Variants in ZNF816 observed in about 807,000 individuals in gnomAD.
ZNF816 encodes the protein zinc finger protein 816.
ZNF816 carries 11 observed loss-of-function variants against 8.3 expected under a neutral mutation model. The observed-to-expected ratio is 1.32, with a 90% confidence interval of 0.83 to 2.19. The LOEUF (loss-of-function observed/expected upper bound fraction) is 2.19. Ranked by LOEUF, ZNF816 falls within the 30% of genes most tolerant of loss-of-function variation. The probability of loss-of-function intolerance (pLI) is 0.00; values close to 1 mark genes in which losing one functional copy is unlikely to be tolerated. For synonymous variants in ZNF816, 255 were observed against 254.5 expected, an observed-to-expected ratio of 1.00 and a Z score of -0.02; for missense variants, 710 against 779.3, an observed-to-expected ratio of 0.91 and a Z score of 1.06.
chr19:52,952,255 G>C (rs983451776), intron 3 of ZNF816, among the ~76,000 whole-genome samples: 3 of 151,978 alleles, frequency 2.0e-5, no homozygotes, highest in African/African-American at 7.3e-5. Context: ...TGTAATTCCA[G>C]TTAGGTTGAG....
chr19:52,955,622 C>G (rs1264575181), intron 2 of ZNF816, among the ~76,000 whole-genome samples: 1 of 152,232 alleles, frequency 6.6e-6, no homozygotes, highest in Non-Finnish European at 1.5e-5. Context: ...TTTGTCTCCT[C>G]TTCCAGAATT....
Position 52,952,750 on chromosome 19 carries a change from C to T in ZNF816, c.190+1G>A. On this transcript the variant is annotated splice_donor_variant, in intron 3 of 3. Coordinates refer to ENST00000444460, the MANE Select transcript of ZNF816 (RefSeq NM_001202457.3). LOFTEE classifies it high-confidence loss of function. ...CATGTCTGGAGGGACATTTTCCTCA[C>T]CCACAAACTCCAGGTTCCTGTAGTT... is the stretch of plus-strand genomic sequence containing the variant. 6.2e-7 allele frequency: 1 copy of T among 1,613,790 alleles called. No individual in the cohort carries two copies. The highest frequency in any genetic ancestry group is 8.5e-7 in the Non-Finnish European group (1 of 1,179,974).
chr19:52,955,204 CA>C (rs1001215101), intron 2 of ZNF816, among the ~76,000 whole-genome samples: 1 of 150,520 alleles, frequency 6.6e-6, no homozygotes, highest in African/African-American at 2.4e-5. Context: ...AAACAAAAAA[CA>C]AAAAAAAAGT....
chr19:52,950,747 C>T lies in ZNF816; in HGVS notation c.1028G>A (p.Cys343Tyr), dbSNP rs775347581. ...RLHTGEKPYK[C>Y]NECGKTFGRN... ...ACCAAAAGTCTTGCCACACTCATTA[C>T]ACTTGTAAGGTTTCTCTCCAGTATG... The change falls in exon 4 of 4, where the codon TGT (cysteine) becomes TAT (tyrosine). Residue 343 changes from cysteine to tyrosine, a missense_variant. Cys to Tyr is a radical substitution (Grantham distance 194). Coordinates refer to ENST00000444460, the MANE Select transcript of ZNF816 (RefSeq NM_001202457.3). 6.3e-5 allele frequency: 101 copies of T among 1,613,836 alleles called. 2 individuals carry two copies. The South Asian group carries it at 1.1e-3, about 17-fold the overall frequency.
Position 52,957,645 on chromosome 19 carries a change from C to T in ZNF816, c.-15-1541G>A, listed in dbSNP as rs376372911. 1.8e-4 allele frequency among the ~76,000 whole-genome samples: 27 copies of T among 152,286 alleles called. No homozygotes were observed. The highest frequency in any genetic ancestry group is 1.5e-3 in the East Asian group (8 of 5,184). ...GTGCTGAACATTCAGTAGTAACCGC[C>T]CCGGTTGCCCCCCTTTCCAAAAAGA... On this transcript the variant is annotated intron_variant, in intron 1 of 3. Coordinates refer to ENST00000444460, the MANE Select transcript of ZNF816 (RefSeq NM_001202457.3). This position sits in a 1 kb window ranked among gnomAD's most constrained non-coding sequence, Gnocchi z 4.6.
intron 1 of ZNF816, among the ~76,000 whole-genome samples, chr19:52,956,621 A>G (rs2122162499): frequency 6.6e-6 from 1 of 152,322 alleles, no homozygotes; most frequent in Middle Eastern, 3.4e-3. Context: ...GGGGTTGGAC[A>G]CCAGCCTGAG....
intron 3 of ZNF816, 168 bp from the exon 4 acceptor site, chr19:52,951,752 G>C (rs897886623): frequency 3.0e-6 from 2 of 674,390 alleles, no homozygotes; most frequent in African/African-American, 3.8e-5. Flanking sequence ...ACAAAAATTA[G>C]CCAGTCATGG....
chr19:52,949,556 G>T lies in ZNF816; in HGVS notation c.*263C>A. On this transcript the variant is annotated 3_prime_UTR_variant, in exon 4 of 4. Coordinates refer to ENST00000444460, the MANE Select transcript of ZNF816 (RefSeq NM_001202457.3). ...AATGAGGTGTGAACATGAAGTAAAG[G>T]CTTTGCCACAATCATCACACTTGTG... is the stretch of plus-strand genomic sequence containing the variant. 1.5e-6 allele frequency: 1 copy of T among 687,360 alleles called. No homozygotes were observed. The highest frequency in any genetic ancestry group is 2.7e-6 in the Non-Finnish European group (1 of 370,156). The allele number at this position is 687,360 out of a possible 1,614,324, so 42.6% of individuals were successfully genotyped here. A position where few individuals can be genotyped will look rare whatever the true frequency, so the allele number is the denominator to read the frequency against.
At chr19:52,959,916 A>C (rs987923411) in intron 1 of ZNF816, 1 of 152,600 alleles carries the variant, frequency 6.6e-6, no homozygotes, top group Admixed American at 6.5e-5. Flanking sequence ...TTGCTCCCTC[A>C]AGCACCTGAC....
chr19:52,953,536 T>C lies in ZNF816; in HGVS notation c.64-659A>G, dbSNP rs1048104602. The C allele has an allele frequency of 2.7e-3, 147 of 53,700 alleles. 3 individuals carry two copies. In the African/African-American group the frequency reaches 0.034, roughly 12 times the overall value. The allele number at this position is 53,700 out of a possible 1,614,324, so 3.3% of individuals were successfully genotyped here. On this transcript the variant is annotated intron_variant, in intron 2 of 3. Coordinates refer to ENST00000444460, the MANE Select transcript of ZNF816 (RefSeq NM_001202457.3). The stretch of plus-strand genomic sequence containing the variant: ...TATAATATATATTTATAATATATAA[T>C]ATATAATACAATATTATATATAATA...
intron 2 of ZNF816, 68 bp downstream of exon 2, chr19:52,955,959 G>A: frequency 1.3e-6 from 2 of 1,553,636 alleles, no homozygotes; most frequent in Non-Finnish European, 1.7e-6. Flanking sequence ...AGAGAAGATT[G>A]GCTACTACAA....
intron 1 of ZNF816, among the ~76,000 whole-genome samples, chr19:52,959,024 A>G (rs1053581611): frequency 3.9e-5 from 6 of 152,238 alleles, no homozygotes; most frequent in Admixed American, 6.5e-5. Context: ...TACGGCAGTT[A>G]GGGTTTTGAT....
intron 1 of ZNF816, among the ~76,000 whole-genome samples, chr19:52,961,667 C>T (rs2083558300): frequency 6.6e-6 from 1 of 152,162 alleles, no homozygotes; most frequent in African/African-American, 2.4e-5. Context: ...AGGGGAGGTC[C>T]CCAGGCCCTT....
intron 2 of ZNF816, among the ~76,000 whole-genome samples, chr19:52,954,512 G>A (rs943708883): frequency 6.6e-6 from 1 of 152,030 alleles, no homozygotes; most frequent in Non-Finnish European, 1.5e-5. Flanking sequence ...TTCAGAACTT[G>A]CAGGATAAAA....
Position 52,951,223 on chromosome 19 carries a change from G to A in ZNF816, c.552C>T (p.Ile184=), listed in dbSNP as rs756845577. The part of the protein sequence containing the change: ...GKISNQLDKS[I]GASSASESQR... ...GGGATTCTGAAGCTGAGGAAGCACCGATAGACTTGTCCAATTGGTTACTAA... is the reference window on the plus strand; with the variant it reads ...GGGATTCTGAAGCTGAGGAAGCACCAATAGACTTGTCCAATTGGTTACTAA... Residue 184 remains isoleucine (I), a synonymous_variant, in exon 4 of 4, where the codon ATC becomes ATT. Transcript: ENST00000444460. The A allele has an allele frequency of 2.8e-6, 4 of 1,405,354 alleles. No individual in the cohort carries two copies. Among genetic ancestry groups the A allele is most frequent in the Admixed American group, 2.0e-5 (1 of 48,872 alleles). The allele number at this position is 1,405,354 out of a possible 1,614,324, so 87.1% of individuals were successfully genotyped here.
chr19:52,961,583 TAGAGAA>T (rs2083557383), intron 1 of ZNF816, among the ~76,000 whole-genome samples: 1 of 152,170 alleles, frequency 6.6e-6, no homozygotes, highest in Non-Finnish European at 1.5e-5. Flanking sequence ...AGACCCCCGT[TAGAGAA>T]AAAGAGAAGG....
rs759800644 is a variant in ZNF816, at chr19:52,951,384, T to C, written c.391A>G (p.Lys131Glu). Reference sequence around the variant, plus strand: ...GTACTACCAGTCAACTTTTTGATTTTTGTCATGGGTGCTTCATGGCCATTT... The same window carrying C: ...GTACTACCAGTCAACTTTTTGATTTCTGTCATGGGTGCTTCATGGCCATTT... ...ERNGHEAPMT[K>E]IKKLTGSTDR... The change falls in exon 4 of 4, where the codon AAA becomes GAA. Residue 131 changes from lysine to glutamate, a missense_variant. By Grantham distance (56) the Lys-to-Glu change is moderately conservative. Coordinates refer to ENST00000444460, the MANE Select transcript of ZNF816 (RefSeq NM_001202457.3). 7 of 1,614,042 alleles carry C rather than the reference T, an allele frequency of 4.3e-6. No individual in the cohort carries two copies. Among genetic ancestry groups the C allele is most frequent in the African/African-American group, 4.0e-5 (3 of 74,942 alleles).
At chr19:52,954,830 A>AAC (rs1418745121) in intron 2 of ZNF816, among the ~76,000 whole-genome samples, 1 of 151,758 alleles carries the variant, frequency 6.6e-6, no homozygotes, top group African/African-American at 2.4e-5. Context: ...AAAAAAAAAA[A>AAC]ACCCCATTCA....
Position 52,951,157 on chromosome 19 carries a change from C to T in ZNF816, c.618G>A (p.Lys206=). 1 of 1,614,160 alleles carries T rather than the reference C, an allele frequency of 6.2e-7. No individual in the cohort carries two copies. Among genetic ancestry groups the T allele is most frequent in the Non-Finnish European group, 8.5e-7 (1 of 1,180,024 alleles). The change falls in exon 4 of 4, where the codon AAG becomes AAA. Residue 206 remains lysine, a synonymous_variant. Coordinates refer to ENST00000444460, the MANE Select transcript of ZNF816 (RefSeq NM_001202457.3). ...AAGAATGGAGGAAATTCTTCCCATA[C>T]TTATTAGAAATATGAGTTTTGAGCC... is the stretch of plus-strand genomic sequence containing the variant. ...SCRLKTHISN[K]YGKNFLHSSF...
Sources: gnomAD v4.1 joint callset for allele counts (sites outside exome capture counted in the v4.1 genomes callset) on GRCh38, gnomAD v4.1.1 for gene constraint, Gnocchi (gnomAD v3.1) non-coding constraint, MANE v1.5 for transcripts, NCBI Gene and HGNC (gene_info 2026-07-23, HGNC 2026-07-21) for gene names.